DGKI: variants seen among roughly 807,000 people sequenced by gnomAD.
DGKI encodes the protein DAG kinase iota.
In DGKI, 55 loss-of-function variants were observed where a neutral mutation model predicts 147.5. The observed-to-expected ratio is 0.37, with a 90% CI of 0.30 to 0.47. The LOEUF is 0.47. DGKI is among the 20% of genes least tolerant of loss of function. The pLI is 1.00. For missense variants in DGKI, 1,007 were observed against 1,323.8 expected (o/e 0.76, Z 3.71); for synonymous variants, 469 against 477.1 (o/e 0.98, Z 0.22).
chr7:137,659,760 G>A (rs1467054296), intron 3 of DGKI, among the ~76,000 whole-genome samples: 1 of 152,080 alleles, frequency 6.6e-6, no homozygotes, highest in African/African-American at 2.4e-5. Flanking sequence ...GTGAAAGCTC[G>A]TCTCTACTAA....
chr7:137,800,794 C>A (rs947430832), intron 1 of DGKI, among the ~76,000 whole-genome samples: 1 of 152,136 alleles, frequency 6.6e-6, no homozygotes, highest in Non-Finnish European at 1.5e-5. Flanking sequence ...TTTGATATTT[C>A]AAGTATGACC....
intron 27 of DGKI, among the ~76,000 whole-genome samples, chr7:137,457,150 GC>G: frequency 6.6e-6 from 1 of 152,270 alleles, no homozygotes; most frequent in East Asian, 1.9e-4. Context: ...GCAAGATTGA[GC>G]CCAGTCAAAG....
intron 3 of DGKI, among the ~76,000 whole-genome samples, chr7:137,661,609 T>C (rs1822436503): frequency 6.6e-6 from 1 of 151,652 alleles, no homozygotes; most frequent in African/African-American, 2.4e-5. Flanking sequence ...GCCTCCTAGA[T>C]GGGAAGATTC....
intron 6 of DGKI, among the ~76,000 whole-genome samples, chr7:137,638,561 T>TACAC (rs1563125648): frequency 9.1e-5 from 10 of 109,356 alleles, no homozygotes; most frequent in African/African-American, 3.3e-4. Flanking sequence ...TGTGTATATA[T>TACAC]ATACACACAT....
chr7:137,795,932 T>G (rs756697026), intron 1 of DGKI, among the ~76,000 whole-genome samples: 1 of 152,110 alleles, frequency 6.6e-6, no homozygotes, highest in African/African-American at 2.4e-5. Flanking sequence ...GAACACAGAC[T>G]TTACAGAATT....
intron 1 of DGKI, among the ~76,000 whole-genome samples, chr7:137,782,320 C>G (rs1428846288): frequency 6.6e-6 from 1 of 152,002 alleles, no homozygotes; most frequent in Non-Finnish European, 1.5e-5. Context: ...GCCTGTGACT[C>G]CCCGCTTTCC....
chr7:137,495,404 C>CA (rs36073500), intron 21 of DGKI, among the ~76,000 whole-genome samples: 1,288 of 108,170 alleles, frequency 0.012, 13 homozygotes, highest in African/African-American at 0.032. Context: ...AACTATTTAA[C>CA]AAAAAAAAAA....
At chr7:137,561,382 T>C (rs146939230) in intron 19 of DGKI, among the ~76,000 whole-genome samples, 69 of 151,890 alleles carry the variant, frequency 4.5e-4, no homozygotes, top group African/African-American at 1.4e-3. Context: ...CTCACAGAAG[T>C]AAAAAGTAGA....
chr7:137,430,721 G>A (rs1813036278), intron 28 of DGKI, among the ~76,000 whole-genome samples: 1 of 152,018 alleles, frequency 6.6e-6, no homozygotes, highest in African/African-American at 2.4e-5. Context: ...ACGAAGATTC[G>A]CATTGGTAGA....
chr7:137,656,432 T>C (rs187357220), intron 4 of DGKI, 34 bp downstream of exon 4: 2 of 1,610,670 alleles, frequency 1.2e-6, no homozygotes, highest in Admixed American at 1.7e-5. Context: ...ATACTTGCAA[T>C]GTAACAAAAC....
At chr7:137,663,950 T>C (rs1259012980) in intron 3 of DGKI, among the ~76,000 whole-genome samples, 1 of 152,122 alleles carries the variant, frequency 6.6e-6, no homozygotes, top group African/African-American at 2.4e-5. Context: ...GGAGAATTGG[T>C]GGCTTAGGAA....
chr7:137,749,944 C>A (rs1408462967), intron 1 of DGKI, among the ~76,000 whole-genome samples: 1 of 152,120 alleles, frequency 6.6e-6, no homozygotes, highest in African/African-American at 2.4e-5. Flanking sequence ...TAGACCTGCT[C>A]AGTGGGGTTG....
intron 19 of DGKI, among the ~76,000 whole-genome samples, chr7:137,556,503 A>G (rs10236148): frequency 6.6e-6 from 1 of 152,194 alleles, no homozygotes; most frequent in Non-Finnish European, 1.5e-5. Flanking sequence ...CTCATAAGAA[A>G]GATGGCTGAT....
At chr7:137,727,325 A>T (rs772845430) in intron 1 of DGKI, among the ~76,000 whole-genome samples, 22 of 152,192 alleles carry the variant, frequency 1.4e-4, no homozygotes, top group Non-Finnish European at 2.9e-5. Flanking sequence ...TAAATATGTA[A>T]TATGACAACA....
chr7:137,418,547 TAAAGC>T (rs1378303941), intron 28 of DGKI, among the ~76,000 whole-genome samples: 1 of 152,224 alleles, frequency 6.6e-6, no homozygotes, highest in Admixed American at 6.5e-5. Context: ...TGATTCTCAA[TAAAGC>T]AACTGAAATA....
intron 1 of DGKI, among the ~76,000 whole-genome samples, chr7:137,791,154 G>A (rs1316725499): frequency 2.6e-5 from 4 of 152,108 alleles, no homozygotes; most frequent in Admixed American, 2.6e-4. Flanking sequence ...ATTTCTGTGT[G>A]TATGTGTCTA....
In DGKI at chr7:137,789,886, T is replaced by C. The variant is rs183062300; in HGVS notation, c.401+56576A>G. Among the ~76,000 whole-genome samples the C allele has an allele frequency of 1.5e-3, 228 of 152,324 alleles. 2 individuals are homozygous for C. The highest frequency in any genetic ancestry group is 5.3e-3 in the African/African-American group (219 of 41,576). On this transcript the variant is annotated intron_variant, in intron 1 of 32. Coordinates refer to ENST00000614521, the MANE Select transcript of DGKI (RefSeq NM_001321708.2). ...AAATATTATCTGTAGTAGATCCTCA[T>C]AGTACTATTACCTAGGTAACACCAT...
At position 137,693,407 on chromosome 7, in the gene DGKI, C is replaced by T. The variant is rs76487347; in HGVS notation, c.402-3405G>A. 3.3e-4 allele frequency among the ~76,000 whole-genome samples: 50 copies of T among 152,272 alleles called. No individual in the cohort carries two copies. In the East Asian group the frequency reaches 6.9e-3, roughly 21 times the overall value. On this transcript the variant is annotated intron_variant, in intron 1 of 32. Coordinates refer to ENST00000614521, the MANE Select transcript of DGKI (RefSeq NM_001321708.2). ...ATCACAAATGCTTCTTTGAAAAGAA[C>T]TGTGATATTAACTGTGAAATAGATA...
intron 1 of DGKI, among the ~76,000 whole-genome samples, chr7:137,830,721 T>C (rs774376352): frequency 2.6e-5 from 4 of 152,198 alleles, no homozygotes; most frequent in South Asian, 2.1e-4. Flanking sequence ...AGACCTGTTA[T>C]ACAGAAAAGG....
Sources: gnomAD v4.1 joint callset for allele counts (sites outside exome capture counted in the v4.1 genomes callset) on GRCh38, gnomAD v4.1.1 for gene constraint, MANE v1.5 for transcripts, NCBI Gene and HGNC (gene_info 2026-07-23, HGNC 2026-07-21) for gene names.